Variants in LTBP1 observed in about 807,000 individuals in gnomAD.
The protein encoded by LTBP1 is latent-transforming growth factor beta-binding protein 1.
A neutral mutation model predicts 207.6 loss-of-function variants in LTBP1; 129 were observed. The ratio of observed to expected loss-of-function variants is 0.62; its 90% confidence interval spans 0.54 to 0.72. The LOEUF is 0.72. Ranked by LOEUF, LTBP1 falls within the 30% of genes least tolerant of loss-of-function variation. The probability of loss-of-function intolerance (pLI) is 0.00; values close to 1 mark genes in which losing one functional copy is unlikely to be tolerated. For missense variants in LTBP1, 2,281 were observed against 2,217.2 expected (o/e 1.03, Z -0.58); for synonymous variants, 963 against 833.7 (o/e 1.16, Z -2.67).
rs1255243784 is a variant in LTBP1 at position 33,089,912 on chromosome 2, A to T, written c.864-20670A>T. Among the ~76,000 whole-genome samples, 4 of 152,232 alleles carry T rather than the reference A, an allele frequency of 2.6e-5. No homozygotes were observed. The East Asian group carries it at 7.7e-4, about 29-fold the overall frequency. On this transcript the variant is annotated intron_variant, in intron 3 of 33. Transcript: ENST00000404816. ...CTGAGCAAGCCCTATTACTTGATAA[A>T]GTTACAACAGCCACACAAGAATGGA...
chr2:33,338,059 A>G (rs2094573262), intron 24 of LTBP1, among the ~76,000 whole-genome samples: 1 of 152,236 alleles, frequency 6.6e-6, no homozygotes, highest in South Asian at 2.1e-4. Context: ...AGTGAAACAA[A>G]TGTCCTCTTA....
At chr2:33,356,949 A>G (rs2094869865) in intron 26 of LTBP1, among the ~76,000 whole-genome samples, 1 of 152,148 alleles carries the variant, frequency 6.6e-6, no homozygotes, top group South Asian at 2.1e-4. Context: ...ACTCATGTGT[A>G]TTAGCAGTGT....
intron 2 of LTBP1, among the ~76,000 whole-genome samples, chr2:32,993,969 A>AGTGTGTGTGTGT (rs70938383): frequency 0.034 from 4,731 of 138,372 alleles, 126 homozygotes; most frequent in Non-Finnish European, 0.046. Context: ...CAGTTAGGGG[A>AGTGTGTGTGTGT]GTGTGTGTGT....
intron 3 of LTBP1, among the ~76,000 whole-genome samples, chr2:33,073,277 G>GTT (rs750038956): frequency 3.2e-4 from 12 of 37,774 alleles, no homozygotes; most frequent in African/African-American, 3.9e-4. Context: ...ATGTCACAGT[G>GTT]TTTTTTTTGT....
intron 7 of LTBP1, among the ~76,000 whole-genome samples, chr2:33,205,072 G>A (rs1196705857): frequency 6.6e-6 from 1 of 152,138 alleles, no homozygotes; most frequent in Non-Finnish European, 1.5e-5. Context: ...TGCAATCTTA[G>A]ACACCACTGG....
intron 3 of LTBP1, among the ~76,000 whole-genome samples, chr2:33,068,536 C>T (rs368863052): frequency 9.2e-5 from 14 of 152,260 alleles, no homozygotes; most frequent in African/African-American, 2.9e-4. Flanking sequence ...ATGTATCTGC[C>T]ATTACAGCAT....
intron 25 of LTBP1, among the ~76,000 whole-genome samples, chr2:33,347,089 G>A (rs1390350186): frequency 7.2e-6 from 1 of 138,076 alleles, no homozygotes; most frequent in African/African-American, 2.8e-5. Flanking sequence ...CTGCACTCCA[G>A]CCTGGGCGAC....
intron 2 of LTBP1, among the ~76,000 whole-genome samples, chr2:32,965,780 G>T (rs1445349658): frequency 6.6e-6 from 1 of 152,198 alleles, no homozygotes; most frequent in Non-Finnish European, 1.5e-5. Flanking sequence ...TAGAGCTGCT[G>T]TAAACATTTT....
At chr2:33,254,177 A>G (rs1386807669) in intron 11 of LTBP1, among the ~76,000 whole-genome samples, 1 of 152,120 alleles carries the variant, frequency 6.6e-6, no homozygotes, top group Non-Finnish European at 1.5e-5. Context: ...TCCACTCATT[A>G]TTAAAAATTA....
At chr2:32,988,450 G>C (rs1162025128) in intron 2 of LTBP1, among the ~76,000 whole-genome samples, 1 of 152,158 alleles carries the variant, frequency 6.6e-6, no homozygotes, top group African/African-American at 2.4e-5. Context: ...GGAACCCTAG[G>C]ATTCAGGTTA....
At chr2:32,981,918 T>G (rs531156750) in intron 2 of LTBP1, among the ~76,000 whole-genome samples, 3 of 152,322 alleles carry the variant, frequency 2.0e-5, no homozygotes, top group African/African-American at 7.2e-5. Flanking sequence ...TATCCAGTCT[T>G]GAGTATTTCT....
chr2:33,336,998 A>T (rs2094560659), intron 24 of LTBP1, among the ~76,000 whole-genome samples: 1 of 152,188 alleles, frequency 6.6e-6, no homozygotes, highest in Non-Finnish European at 1.5e-5. Context: ...TTTTGTGTTG[A>T]GTTCTTAAAA....
intron 4 of LTBP1, among the ~76,000 whole-genome samples, chr2:33,132,765 C>T (rs2081891380): frequency 6.6e-6 from 1 of 152,176 alleles, no homozygotes; most frequent in Non-Finnish European, 1.5e-5. Flanking sequence ...CTTTCTCCTC[C>T]AGAGGAATAA....
intron 5 of LTBP1, among the ~76,000 whole-genome samples, chr2:33,146,761 C>T (rs963398206): frequency 7.9e-5 from 12 of 152,266 alleles, no homozygotes; most frequent in African/African-American, 2.9e-4. Flanking sequence ...ATGCTACACA[C>T]TTTTAAACAA....
chr2:33,356,861 C>A (rs2094868532), intron 26 of LTBP1, among the ~76,000 whole-genome samples: 1 of 152,150 alleles, frequency 6.6e-6, no homozygotes, highest in Non-Finnish European at 1.5e-5. Flanking sequence ...ATTTACTGAA[C>A]ATCATCACAC....
At chr2:33,004,814 T>TATATATATATAA (rs1178147190) in intron 2 of LTBP1, among the ~76,000 whole-genome samples, 28 of 136,560 alleles carry the variant, frequency 2.1e-4, no homozygotes, top group Non-Finnish European at 3.6e-4. Flanking sequence ...TATATATATA[T>TATATATATATAA]AAACATAAAA....
chr2:33,398,694 G>C lies in LTBP1; in HGVS notation c.*149G>C. 1 of 696,456 alleles carries C rather than the reference G, an allele frequency of 1.4e-6. No individual in the cohort carries two copies. The highest frequency in any genetic ancestry group is 2.3e-6 in the Non-Finnish European group (1 of 444,278). 43.1% of individuals were successfully genotyped at this position (696,456 alleles called of 1,614,324 possible). On this transcript the variant is annotated 3_prime_UTR_variant, in exon 34 of 34. Coordinates refer to ENST00000404816, the MANE Select transcript of LTBP1 (RefSeq NM_206943.4). ...TGCAAGTCCTCTGAAGACAATGAGA[G>C]GATTTAGGATGAGCCCGATAGGTGT...
intron 22 of LTBP1, among the ~76,000 whole-genome samples, chr2:33,308,467 C>T (rs955005496): frequency 6.6e-6 from 1 of 152,194 alleles, no homozygotes; most frequent in African/African-American, 2.4e-5. Context: ...AAAAGTCCCT[C>T]TTCTTCCGAC....
At chr2:33,151,823 T>TTGTGTGTG (rs10526529) in intron 5 of LTBP1, among the ~76,000 whole-genome samples, 3 of 129,484 alleles carry the variant, frequency 2.3e-5, no homozygotes, top group African/African-American at 2.8e-5. Context: ...GTATTCCATT[T>TTGTGTGTG]TGTGTGTGTG....
Sources: gnomAD v4.1 joint callset for allele counts (sites outside exome capture counted in the v4.1 genomes callset) on GRCh38, gnomAD v4.1.1 for gene constraint, MANE v1.5 for transcripts, NCBI Gene and HGNC (gene_info 2026-07-23, HGNC 2026-07-21) for gene names.